The following ERC2 variants were observed in gnomAD, a reference collection of about 807,000 sequenced individuals.
The protein encoded by ERC2 is ELKS/RAB6-interacting/CAST family member 2.
A neutral mutation model predicts 114.8 loss-of-function variants in ERC2; 42 were observed. The ratio of observed to expected loss-of-function variants is 0.37; its 90% CI spans 0.29 to 0.47. The LOEUF is 0.47. ERC2 is among the 20% of genes least tolerant of loss of function. The probability of loss-of-function intolerance (pLI) is 0.99; values close to 1 mark genes in which losing one functional copy is unlikely to be tolerated. For synonymous variants in ERC2, 454 were observed against 425.5 expected, an observed-to-expected ratio of 1.07 and a Z score of -0.82; for missense variants, 939 against 1,150.7, an observed-to-expected ratio of 0.82 and a Z score of 2.66.
intron 17 of ERC2, 89 bp from the exon 18 acceptor site, chr3:55,511,365 C>T (rs887107923): frequency 2.0e-5 from 3 of 152,562 alleles, no homozygotes; most frequent in Non-Finnish European, 4.4e-5. Context: ...CACTCTTCAC[C>T]CCTACAACAG....
intron 17 of ERC2, among the ~76,000 whole-genome samples, chr3:55,544,261 G>T (rs967761134): frequency 2.0e-5 from 3 of 152,142 alleles, no homozygotes; most frequent in Non-Finnish European, 2.9e-5. Context: ...TGCTGCTTGG[G>T]TTGGGCAAGT....
At chr3:56,140,862 A>G (rs1302437317) in intron 5 of ERC2, among the ~76,000 whole-genome samples, 1 of 152,028 alleles carries the variant, frequency 6.6e-6, no homozygotes, top group Non-Finnish European at 1.5e-5. Flanking sequence ...CCTCTCCACT[A>G]AAAATACAAA....
In ERC2 at chr3:55,799,450, CATATATATATAT is replaced by C. The variant is rs59209006; in HGVS notation, c.2565-64544_2565-64533del. Among the ~76,000 whole-genome samples, 85 of 106,208 alleles carry C rather than the reference CATATATATATAT, an allele frequency of 8.0e-4. 3 individuals carry two copies. Among genetic ancestry groups the C allele is most frequent in the Non-Finnish European group, 5.4e-5 (3 of 55,064 alleles). 69.7% of individuals were successfully genotyped at this position (106,208 alleles called of 152,430 possible). A position where few individuals can be genotyped will look rare whatever the true frequency, so the allele number is the denominator to read the frequency against. On this transcript the variant is annotated intron_variant, in intron 14 of 17. Coordinates refer to ENST00000288221, the MANE Select transcript of ERC2 (RefSeq NM_015576.3). ...TATATATATGCCTTATATATATATG[CATATATATATAT>C]ATATATATATATGCCTTATCTATCA...
intron 16 of ERC2, among the ~76,000 whole-genome samples, chr3:55,694,650 T>A (rs2148812976): frequency 6.6e-6 from 1 of 152,346 alleles, no homozygotes; most frequent in Middle Eastern, 3.4e-3. Flanking sequence ...TCTCTTGGGC[T>A]TTCAAAAGTG....
At chr3:55,883,710 A>G (rs1362687259) in intron 14 of ERC2, among the ~76,000 whole-genome samples, 5 of 152,082 alleles carry the variant, frequency 3.3e-5, no homozygotes, top group Admixed American at 3.3e-4. Flanking sequence ...TAACAAGGTG[A>G]AACCCTGTCT....
intron 14 of ERC2, among the ~76,000 whole-genome samples, chr3:55,818,395 T>G (rs968617201): frequency 2.6e-5 from 4 of 152,232 alleles, no homozygotes; most frequent in Non-Finnish European, 4.4e-5. Flanking sequence ...TATACCTCGA[T>G]GAATGATATC....
intron 4 of ERC2, among the ~76,000 whole-genome samples, chr3:56,156,709 T>C (rs529994196): frequency 6.6e-6 from 1 of 152,158 alleles, no homozygotes; most frequent in Non-Finnish European, 1.5e-5. Context: ...CCCTAGTGCA[T>C]GGAAGGGAGC....
intron 13 of ERC2, among the ~76,000 whole-genome samples, chr3:55,944,677 A>T (rs559491891): frequency 6.6e-6 from 1 of 152,352 alleles, no homozygotes; most frequent in African/African-American, 2.4e-5. Context: ...GAGTTACTAC[A>T]AAGAGTAATG....
intron 3 of ERC2, among the ~76,000 whole-genome samples, chr3:56,263,155 A>G (rs1328067170): frequency 1.3e-5 from 2 of 152,190 alleles, no homozygotes; most frequent in East Asian, 1.9e-4. Context: ...TTTTAGTCTG[A>G]TAATTCAATT....
intron 4 of ERC2, among the ~76,000 whole-genome samples, chr3:56,164,625 T>C (rs1253219458): frequency 6.6e-6 from 1 of 152,088 alleles, no homozygotes; most frequent in East Asian, 1.9e-4. Flanking sequence ...GTGAAATTTC[T>C]AGGTCATGTG....
intron 1 of ERC2, among the ~76,000 whole-genome samples, chr3:56,446,740 C>T (rs1253866613): frequency 6.6e-6 from 1 of 151,066 alleles, no homozygotes; most frequent in South Asian, 2.1e-4. Context: ...ATTCTCCTGC[C>T]TCAGCCTCCC....
intron 1 of ERC2, among the ~76,000 whole-genome samples, chr3:56,438,591 T>C (rs960369567): frequency 7.9e-5 from 12 of 152,240 alleles, no homozygotes; most frequent in African/African-American, 2.9e-4. Context: ...TTTCTATGGT[T>C]CCAACAGTTA....
At chr3:56,447,361 G>A (rs1438937692) in intron 1 of ERC2, among the ~76,000 whole-genome samples, 2 of 152,192 alleles carry the variant, frequency 1.3e-5, no homozygotes, top group African/African-American at 4.8e-5. Context: ...TTTGGATGTG[G>A]GATTTATATC....
intron 1 of ERC2, among the ~76,000 whole-genome samples, chr3:56,442,021 A>T (rs1241767745): frequency 6.6e-6 from 1 of 152,198 alleles, no homozygotes; most frequent in Non-Finnish European, 1.5e-5. Flanking sequence ...AAATTAATTA[A>T]TTAGTTAATT....
chr3:55,952,690 C>T (rs2067663693), intron 12 of ERC2, among the ~76,000 whole-genome samples: 1 of 152,052 alleles, frequency 6.6e-6, no homozygotes, highest in African/African-American at 2.4e-5. Flanking sequence ...TAAATAGAAC[C>T]AACTGCTAAA....
chr3:56,116,409 G>T (rs1336443228), intron 6 of ERC2, among the ~76,000 whole-genome samples: 2 of 152,184 alleles, frequency 1.3e-5, no homozygotes, highest in Admixed American at 1.3e-4. Context: ...GCAGAGTCAA[G>T]GCATTTTCTT....
intron 4 of ERC2, among the ~76,000 whole-genome samples, chr3:56,154,349 C>T (rs771341204): frequency 1.3e-4 from 20 of 152,112 alleles, no homozygotes; most frequent in Non-Finnish European, 2.4e-4. Flanking sequence ...TAGATGGTAT[C>T]TAATTCTTTA....
chr3:55,709,459 G>T (rs373579283), intron 15 of ERC2, among the ~76,000 whole-genome samples: 1 of 152,172 alleles, frequency 6.6e-6, no homozygotes, highest in African/African-American at 2.4e-5. Context: ...CAAAATGTCT[G>T]AAGCTTGAGA....
At chr3:55,551,097 A>G (rs2055168646) in intron 17 of ERC2, among the ~76,000 whole-genome samples, 2 of 151,962 alleles carry the variant, frequency 1.3e-5, no homozygotes, top group Non-Finnish European at 2.9e-5. Flanking sequence ...CAGAACCAAC[A>G]GTATGTGTGT....
Sources: allele counts gnomAD v4.1 joint callset (sites outside exome capture counted in the v4.1 genomes callset), GRCh38; gene constraint gnomAD v4.1.1; transcripts MANE v1.5; gene names NCBI Gene and HGNC (gene_info 2026-07-23, HGNC 2026-07-21).